STAT5A: variants seen among roughly 807,000 people sequenced by gnomAD.
STAT5A encodes the protein epididymis secretory sperm binding protein.
In STAT5A, 26 loss-of-function variants were observed where a neutral mutation model predicts 100.2. The observed-to-expected ratio is 0.26, with a 90% CI of 0.19 to 0.36. The LOEUF (loss-of-function observed/expected upper bound fraction) is 0.36, where lower values mean the gene tolerates loss of function less well. Ranked by LOEUF, STAT5A falls within the 10% of genes least tolerant of loss-of-function variation. The pLI is 1.00. For synonymous variants in STAT5A, 330 were observed against 424.3 expected (o/e 0.78, Z 2.73); for missense variants, 634 against 1,027.5 (o/e 0.62, Z 5.24).
At chr17:42,289,645 CCTT>C (rs2080850752) in intron 2 of STAT5A, 106 bp downstream of exon 2, 3 of 1,492,660 alleles carry the variant, frequency 2.0e-6, no homozygotes, top group East Asian at 2.4e-5. Context: ...TCCTGCCTGT[CCTT>C]CTTTGTGCGG....
Position 42,310,667 on chromosome 17 carries a change from T to G in STAT5A, c.2383T>G (p.Ter795GlyextTer15). Residue 795 changes from the stop codon to glycine (G), a stop_lost, in exon 19 of 19, where the codon TGA (stop) becomes GGA (glycine). Coordinates refer to ENST00000590949, the MANE Select transcript of STAT5A (RefSeq NM_001288718.2). ...LFTSARGSLS[*>G] is the part of the protein sequence containing the mutation. ...CACCTCTGCCAGAGGCTCCCTCTCA[T>G]GAATGTTTGAATCCCACGCTTCTCT... 1 of 1,614,100 alleles carries G rather than the reference T, an allele frequency of 6.2e-7. No individual in the cohort carries two copies. Among genetic ancestry groups the G allele is most frequent in the South Asian group, 1.1e-5 (1 of 91,088 alleles).
Position 42,300,787 on chromosome 17 carries a change from G to A in STAT5A, c.906G>A (p.Gln302=), listed in dbSNP as rs1429222988. 1.9e-6 allele frequency: 3 copies of A among 1,612,546 alleles called. No homozygotes were observed. The highest frequency in any genetic ancestry group is 2.2e-5 in the East Asian group (1 of 44,856). ...QIRRAEHLCQ[Q]LPIPGPVEEM... Reference sequence around the variant, plus strand: ...GCAGGGCTGAGCACCTCTGCCAGCAGCTGCCCATCCCCGGCCCAGTGGAGG... The same window carrying A: ...GCAGGGCTGAGCACCTCTGCCAGCAACTGCCCATCCCCGGCCCAGTGGAGG... The change falls in exon 8 of 19, where the codon CAG becomes CAA. Residue 302 remains glutamine, a synonymous_variant. Coordinates refer to ENST00000590949, the MANE Select transcript of STAT5A (RefSeq NM_001288718.2).
intron 12 of STAT5A, 192 bp from the exon 13 acceptor site, chr17:42,306,049 C>A: frequency 1.0e-6 from 1 of 967,566 alleles, no homozygotes; most frequent in Non-Finnish European, 1.5e-6. Context: ...CATCGGTTTT[C>A]TTCCCTGCAG....
At chr17:42,289,334 A>G (rs2080845783) in intron 1 of STAT5A, 68 bp from the exon 2 acceptor site, 6 of 1,456,708 alleles carry the variant, frequency 4.1e-6, no homozygotes, top group Non-Finnish European at 5.4e-6. Context: ...AGGCATGGCA[A>G]GGCCAGGGGC....
At chr17:42,289,674 TG>T in intron 2 of STAT5A, 135 bp downstream of exon 2, 1 of 1,430,950 alleles carries the variant, frequency 7.0e-7, no homozygotes, top group East Asian at 2.5e-5. Context: ...GTGGTGCCCC[TG>T]GGAAAGGGGA....
chr17:42,303,043 C>T (rs370523293), intron 9 of STAT5A, among the ~76,000 whole-genome samples: 14 of 151,064 alleles, frequency 9.3e-5, no homozygotes, highest in African/African-American at 3.4e-4. Flanking sequence ...GTCAGGAGTT[C>T]GAGACCAGCC....
chr17:42,295,944 G>GCC, intron 5 of STAT5A, 151 bp downstream of exon 5: 1 of 1,162,966 alleles, frequency 8.6e-7, no homozygotes, highest in South Asian at 1.4e-5. Flanking sequence ...TTGAGCCCCT[G>GCC]CCGTGGGTCA....
At position 42,308,435 on chromosome 17, in the gene STAT5A, C is replaced by G; in HGVS notation, c.2062+102C>G. 1.3e-6 allele frequency: 2 copies of G among 1,539,414 alleles called. No homozygotes were observed. The highest frequency in any genetic ancestry group is 1.8e-6 in the Non-Finnish European group (2 of 1,128,874). ...GCCGTGGGGACTTCCCCAGGAGGAG[C>G]CTAGGGGCCATGTCCCCTGTGGGTT... On this transcript the variant is annotated intron_variant, in intron 16 of 18. Transcript: ENST00000590949. The surrounding 1 kb of genome is among the most constrained non-coding windows in gnomAD (Gnocchi z 4.6).
In STAT5A at chr17:42,308,450, C is replaced by G. The variant is rs998980499; in HGVS notation, c.2062+117C>G. Reference sequence around the variant, plus strand: ...CCAGGAGGAGCCTAGGGGCCATGTCCCCTGTGGGTTTTGGCCCATGGGGTG... The same window carrying G: ...CCAGGAGGAGCCTAGGGGCCATGTCGCCTGTGGGTTTTGGCCCATGGGGTG... On this transcript the variant is annotated intron_variant, in intron 16 of 18. Transcript: ENST00000590949. This position sits in a 1 kb window ranked among gnomAD's most constrained non-coding sequence, Gnocchi z 4.6. The G allele has an allele frequency of 6.8e-7, 1 of 1,464,990 alleles. No homozygotes were observed. The highest frequency in any genetic ancestry group is 9.3e-7 in the Non-Finnish European group (1 of 1,076,592). The allele number at this position is 1,464,990 out of a possible 1,614,324, so 90.7% of individuals were successfully genotyped here.
intron 5 of STAT5A, among the ~76,000 whole-genome samples, chr17:42,297,229 G>T (rs1238893612): frequency 6.6e-6 from 1 of 152,114 alleles, no homozygotes; most frequent in Non-Finnish European, 1.5e-5. Context: ...GAGCCACGGT[G>T]CCCAGCCAAT....
At chr17:42,291,794 T>C (rs1305539876) in intron 3 of STAT5A, among the ~76,000 whole-genome samples, 178 bp from the exon 4 acceptor site, 1 of 151,078 alleles carries the variant, frequency 6.6e-6, no homozygotes, top group Non-Finnish European at 1.5e-5. Context: ...GATATGAAGA[T>C]CTTGGAGGGG....
At chr17:42,291,857 G>T in intron 3 of STAT5A, 115 bp from the exon 4 acceptor site, 1 of 1,045,986 alleles carries the variant, frequency 9.6e-7, no homozygotes. Flanking sequence ...AGTTCCTGAG[G>T]CTCCCTGGGA....
rs748122456 is a variant in STAT5A, at chr17:42,307,479, GC to G, written c.1762del (p.His588ThrfsTer8). On this transcript the variant is annotated frameshift_variant, in exon 14 of 19. Coordinates refer to ENST00000590949, the MANE Select transcript of STAT5A (RefSeq NM_001288718.2). LOFTEE classifies it high-confidence loss of function. ...VMEVLKKHHK[P>X]HWNDGAILGF... ...TGGAGGTGTTGAAGAAGCACCACAAGCCCCACTGGAATGATGGGTAAGGAAC... is the reference window on the plus strand; with the variant it reads ...TGGAGGTGTTGAAGAAGCACCACAAGCCCACTGGAATGATGGGTAAGGAAC... 1 of 1,614,116 alleles carries G rather than the reference GC, an allele frequency of 6.2e-7. No homozygotes were observed. The highest frequency in any genetic ancestry group is 8.5e-7 in the Non-Finnish European group (1 of 1,180,024).
chr17:42,289,260 C>A, intron 1 of STAT5A, 142 bp from the exon 2 acceptor site: 1 of 955,320 alleles, frequency 1.0e-6, no homozygotes, highest in East Asian at 3.1e-5. Context: ...CATCTCTGTT[C>A]CCGCACAGGA....
chr17:42,306,412 A>C lies in STAT5A; in HGVS notation c.1645A>C (p.Ser549Arg). Residue 549 changes from serine to arginine, a missense_variant, in exon 13 of 19, where the codon AGT becomes CGT. Transcript: ENST00000590949. ...NNSSSHLEDY[S>R]GLSVSWSQFN... ...CAGCAGCAGCCACCTGGAGGACTAC[A>C]GTGGCCTGTCCGTGTCCTGGTCCCA... 6.2e-7 allele frequency: 1 copy of C among 1,613,922 alleles called. No individual in the cohort carries two copies. Among genetic ancestry groups the C allele is most frequent in the Non-Finnish European group, 8.5e-7 (1 of 1,179,912 alleles).
rs2081081487 is a variant in STAT5A at position 42,311,488 on chromosome 17, A to G, written c.*819A>G. The G allele has an allele frequency of 6.6e-6, 1 of 152,252 alleles. No individual in the cohort carries two copies. The highest frequency in any genetic ancestry group is 2.4e-5 in the African/African-American group (1 of 41,414). The allele number at this position is 152,252 out of a possible 1,614,324, so 9.4% of individuals were successfully genotyped here. A position where few individuals can be genotyped will look rare whatever the true frequency, so the allele number is the denominator to read the frequency against. Reference sequence around the variant, plus strand: ...CCTCTCTGTTTGTAACCTTGTCGACAAAGAGGTAGAAAAGATTGGGTCTAG... The same window carrying G: ...CCTCTCTGTTTGTAACCTTGTCGACGAAGAGGTAGAAAAGATTGGGTCTAG... On this transcript the variant is annotated 3_prime_UTR_variant, in exon 19 of 19. Transcript: ENST00000590949.
intron 11 of STAT5A, 91 bp from the exon 12 acceptor site, chr17:42,305,518 TA>T (rs954605034): frequency 3.7e-4 from 379 of 1,026,664 alleles, no homozygotes; most frequent in Middle Eastern, 6.5e-4. Context: ...AAAAAATACA[TA>T]AAAAAAAATA....
chr17:42,308,493 G>A lies in STAT5A; in HGVS notation c.2062+160G>A. On this transcript the variant is annotated intron_variant, in intron 16 of 18. Coordinates refer to ENST00000590949, the MANE Select transcript of STAT5A (RefSeq NM_001288718.2). This position sits in a 1 kb window ranked among gnomAD's most constrained non-coding sequence, Gnocchi z 4.6. ...ATGGGGTGGTGGAGAGGATTTCAGG[G>A]CTCACAAATGAGGAGAGGGAACGAG... The A allele has an allele frequency of 2.2e-6, 2 of 927,428 alleles. No homozygotes were observed. Among genetic ancestry groups the A allele is most frequent in the Non-Finnish European group, 3.2e-6 (2 of 625,558 alleles). 57.4% of individuals were successfully genotyped at this position (927,428 alleles called of 1,614,324 possible). A position where few individuals can be genotyped will look rare whatever the true frequency, so the allele number is the denominator to read the frequency against.
chr17:42,294,370 A>G (rs1426427946), intron 4 of STAT5A, among the ~76,000 whole-genome samples: 1 of 152,194 alleles, frequency 6.6e-6, no homozygotes, highest in Admixed American at 6.5e-5. Flanking sequence ...TGGTGCTGTC[A>G]TGGTCTGGGA....
Sources: allele counts gnomAD v4.1 joint callset (sites outside exome capture counted in the v4.1 genomes callset), GRCh38; gene constraint gnomAD v4.1.1; non-coding constraint Gnocchi (gnomAD v3.1); transcripts MANE v1.5; gene names NCBI Gene and HGNC (gene_info 2026-07-23, HGNC 2026-07-21).